PALM2AKAP2: variants seen among roughly 807,000 people sequenced by gnomAD.
PALM2AKAP2 encodes PALM2-AKAP2 fusion protein.
In PALM2AKAP2, 37 loss-of-function variants were observed where a neutral mutation model predicts 71.5. The observed-to-expected ratio is 0.52, with a 90% CI of 0.40 to 0.68. The LOEUF is 0.68. Among genes scored for constraint, PALM2AKAP2 ranks in the 30% least tolerant of loss-of-function variants. The probability of loss-of-function intolerance (pLI) is 0.00; values close to 1 mark genes in which losing one functional copy is unlikely to be tolerated. For missense variants in PALM2AKAP2, 1,224 were observed against 1,191.8 expected, an observed-to-expected ratio of 1.03 and a Z score of -0.40; for synonymous variants, 468 against 478.8, an observed-to-expected ratio of 0.98 and a Z score of 0.29.
intron 1 of PALM2AKAP2, among the ~76,000 whole-genome samples, chr9:109,844,952 TGTGTGTGCATGTGCACACAC>T (rs1393099233): frequency 7.0e-4 from 106 of 152,034 alleles, no homozygotes; most frequent in African/African-American, 2.4e-3. Flanking sequence ...TGTGTGTGTG[TGTGTGTGCATGTGCACACAC>T]GCATGCACGC....
chr9:109,764,405 T>C (rs1278495510), intron 1 of PALM2AKAP2, among the ~76,000 whole-genome samples: 2 of 152,076 alleles, frequency 1.3e-5, no homozygotes, highest in African/African-American at 2.4e-5. Flanking sequence ...GCACAGCTTG[T>C]TCTCTCTGCC....
At chr9:110,024,682 G>T (rs1460563587) in intron 7 of PALM2AKAP2, among the ~76,000 whole-genome samples, 2 of 151,874 alleles carry the variant, frequency 1.3e-5, no homozygotes, top group South Asian at 2.1e-4. Context: ...TACATGGGAG[G>T]CTGAGGTGGG....
intron 1 of PALM2AKAP2, among the ~76,000 whole-genome samples, chr9:109,817,294 C>T (rs777100758): frequency 7.2e-5 from 11 of 152,166 alleles, no homozygotes; most frequent in Non-Finnish European, 1.5e-4. Context: ...CTAGGAGTTT[C>T]CCATGCATAT....
chr9:109,768,799 T>C (rs962083), intron 1 of PALM2AKAP2, among the ~76,000 whole-genome samples: 33,880 of 152,058 alleles, frequency 0.22, 3,831 homozygotes, highest in South Asian at 0.33. Flanking sequence ...TTCAGTAATA[T>C]AGTCAGCACC....
intron 1 of PALM2AKAP2, among the ~76,000 whole-genome samples, chr9:109,701,566 T>C (rs1164504345): frequency 1.3e-5 from 2 of 152,174 alleles, no homozygotes; most frequent in African/African-American, 4.8e-5. Context: ...ACTGGATCCC[T>C]TCCTTACACC....
intron 2 of PALM2AKAP2, among the ~76,000 whole-genome samples, chr9:109,872,873 T>A (rs989734820): frequency 3.9e-5 from 6 of 152,344 alleles, no homozygotes; most frequent in Admixed American, 3.3e-4. Context: ...ATAGGCACAG[T>A]ACACAGTGTA....
At chr9:110,114,352 A>C (rs1332930837) in intron 1 of PALM2AKAP2, among the ~76,000 whole-genome samples, 1 of 152,010 alleles carries the variant, frequency 6.6e-6, no homozygotes, top group Non-Finnish European at 1.5e-5. Flanking sequence ...CAGTCACTGG[A>C]TTTGGGGCCC....
chr9:109,908,216 G>T (rs920886224), intron 3 of PALM2AKAP2, among the ~76,000 whole-genome samples: 1 of 152,220 alleles, frequency 6.6e-6, no homozygotes, highest in East Asian at 1.9e-4. Context: ...CAGGCAAGGG[G>T]TGGAGTGACA....
chr9:110,133,567 C>T (rs62578880), intron 1 of PALM2AKAP2, among the ~76,000 whole-genome samples: 38,901 of 152,054 alleles, frequency 0.26, 5,013 homozygotes, highest in Middle Eastern at 0.35. Context: ...TTCTTCCTCT[C>T]CTCAGGTATT....
chr9:109,952,041 C>T (rs1368916321), intron 6 of PALM2AKAP2, among the ~76,000 whole-genome samples: 1 of 152,234 alleles, frequency 6.6e-6, no homozygotes, highest in Non-Finnish European at 1.5e-5. Context: ...GTTCACCTCT[C>T]TTTACCTGGA....
intron 1 of PALM2AKAP2, among the ~76,000 whole-genome samples, chr9:110,050,615 C>CTTTTCTTTTCTTTTT (rs1173051602): frequency 1.3e-5 from 2 of 151,532 alleles, no homozygotes; most frequent in African/African-American, 4.9e-5. Flanking sequence ...CTCTGTTTTT[C>CTTTTCTTTTCTTTTT]TTTTCTTTTC....
At chr9:109,698,958 G>A (rs1397273738) in intron 1 of PALM2AKAP2, among the ~76,000 whole-genome samples, 1 of 152,200 alleles carries the variant, frequency 6.6e-6, no homozygotes, top group African/African-American at 2.4e-5. Flanking sequence ...CTATATGCAT[G>A]TATAATTATA....
chr9:110,149,948 GATTGAGACCAGCCTGGTCTCA>G (rs1047116743), intron 2 of PALM2AKAP2, among the ~76,000 whole-genome samples: 1 of 152,174 alleles, frequency 6.6e-6, no homozygotes, highest in Non-Finnish European at 1.5e-5. Context: ...CCAAAAGGAG[GATTGAGACCAGCCTGGTCTCA>G]ATTGAGACCC....
chr9:109,943,500 C>T (rs554222639), intron 6 of PALM2AKAP2: 1,296 of 1,495,130 alleles, frequency 8.7e-4, no homozygotes, highest in Admixed American at 1.1e-3. Context: ...GTACCACTAA[C>T]TGCAATACTG....
intron 1 of PALM2AKAP2, among the ~76,000 whole-genome samples, chr9:109,665,915 GCCAGGCTGCTGTCT>G (rs911660700): frequency 1.6e-4 from 24 of 152,228 alleles, no homozygotes; most frequent in African/African-American, 5.8e-4. Context: ...CCCTCCCCCA[GCCAGGCTGCTGTCT>G]CACAGATCAT....
chr9:109,954,257 C>T (rs1022838477), intron 6 of PALM2AKAP2, among the ~76,000 whole-genome samples: 2 of 152,020 alleles, frequency 1.3e-5, no homozygotes, highest in African/African-American at 2.4e-5. Context: ...ACTATTTCAC[C>T]ACTGTCATAA....
At chr9:110,003,026 T>G (rs1832710031) in intron 6 of PALM2AKAP2, among the ~76,000 whole-genome samples, 1 of 152,260 alleles carries the variant, frequency 6.6e-6, no homozygotes, top group Admixed American at 6.5e-5. Flanking sequence ...TGTGTCTCTA[T>G]ATCCTTCAGT....
At chr9:109,720,353 G>A (rs1828386723) in intron 1 of PALM2AKAP2, among the ~76,000 whole-genome samples, 1 of 152,198 alleles carries the variant, frequency 6.6e-6, no homozygotes, top group African/African-American at 2.4e-5. Flanking sequence ...AACAGATGAT[G>A]TGAAGGGGGT....
Position 109,912,309 on chromosome 9 carries a change from G to GA in PALM2AKAP2, c.258-11414dup, listed in dbSNP as rs549882381. On this transcript the variant is annotated intron_variant, in intron 3 of 9. Coordinates refer to the PALM2AKAP2 transcript ENST00000302798. ...ATTTCTGTCTCAGGGATGACGTGAG[G>GA]AAAAAAAAAAAAGAGGAGGAAATGG... is the stretch of plus-strand genomic sequence containing the variant. 6.1e-3 allele frequency among the ~76,000 whole-genome samples: 859 copies of GA among 141,638 alleles called. 1 individual carries two copies. Among genetic ancestry groups the GA allele is most frequent in the South Asian group, 8.6e-3 (38 of 4,442 alleles). The allele number at this position is 141,638 out of a possible 152,430, so 92.9% of individuals were successfully genotyped here.
Sources: allele counts gnomAD v4.1 joint callset (sites outside exome capture counted in the v4.1 genomes callset), GRCh38; gene constraint gnomAD v4.1.1; transcripts MANE v1.5; gene names NCBI Gene and HGNC (gene_info 2026-07-23, HGNC 2026-07-21).